CDH10: variants seen among roughly 807,000 people sequenced by gnomAD.
CDH10 encodes cadherin 10.
CDH10 carries 30 observed loss-of-function variants against 73.1 expected under a neutral mutation model. The ratio of observed to expected loss-of-function variants is 0.41; its 90% CI spans 0.31 to 0.56. CDH10 has a LOEUF of 0.56. Ranked by LOEUF, CDH10 falls within the 20% of genes least tolerant of loss-of-function variation. The pLI, the probability that CDH10 is intolerant of heterozygous loss-of-function variation, is 0.27. For missense variants in CDH10, 815 were observed against 973.7 expected (o/e 0.84, Z 2.17); for synonymous variants, 345 against 348.2 (o/e 0.99, Z 0.10).
intron 5 of CDH10, among the ~76,000 whole-genome samples, chr5:24,523,066 G>C (rs969172701): frequency 6.6e-6 from 1 of 150,584 alleles, no homozygotes; most frequent in South Asian, 2.2e-4. Context: ...AATATGCAAA[G>C]ATAACTAATA....
intron 2 of CDH10, among the ~76,000 whole-genome samples, chr5:24,591,510 G>A (rs549119147): frequency 6.6e-6 from 1 of 152,034 alleles, no homozygotes; most frequent in African/African-American, 2.4e-5. Flanking sequence ...AGAGTATGAA[G>A]CATAAAATTT....
chr5:24,633,223 T>C (rs1459165212), intron 1 of CDH10, among the ~76,000 whole-genome samples: 1 of 151,820 alleles, frequency 6.6e-6, no homozygotes, highest in African/African-American at 2.4e-5. Context: ...TGTATTATTT[T>C]CTTTTTAAGT....
At chr5:24,502,742 G>T (rs1041135966) in intron 8 of CDH10, among the ~76,000 whole-genome samples, 3 of 152,120 alleles carry the variant, frequency 2.0e-5, no homozygotes, top group Non-Finnish European at 2.9e-5. Flanking sequence ...GCAATTCCTT[G>T]TTCACTAGGC....
intron 1 of CDH10, among the ~76,000 whole-genome samples, chr5:24,627,618 T>C (rs1747554780): frequency 4.6e-5 from 7 of 152,140 alleles, no homozygotes. Flanking sequence ...CTCAGGTCCC[T>C]CGTTTGTAAA....
At chr5:24,642,283 G>A (rs952066264) in intron 1 of CDH10, among the ~76,000 whole-genome samples, 1 of 152,098 alleles carries the variant, frequency 6.6e-6, no homozygotes, top group African/African-American at 2.4e-5. Flanking sequence ...TTACTGCAAA[G>A]TAGGTTAAGA....
intron 1 of CDH10, among the ~76,000 whole-genome samples, chr5:24,638,783 A>T (rs975832625): frequency 6.6e-6 from 1 of 151,858 alleles, no homozygotes; most frequent in Non-Finnish European, 1.5e-5. Context: ...ATTATAGTTG[A>T]CTAAGCTAAT....
intron 2 of CDH10, among the ~76,000 whole-genome samples, chr5:24,538,307 A>G (rs1167415679): frequency 6.6e-6 from 1 of 152,168 alleles, no homozygotes; most frequent in Non-Finnish European, 1.5e-5. Context: ...AATAAAATTA[A>G]TGAACTATAA....
chr5:24,592,962 A>C (rs1746250065), intron 2 of CDH10, among the ~76,000 whole-genome samples: 1 of 151,762 alleles, frequency 6.6e-6, no homozygotes, highest in South Asian at 2.1e-4. Context: ...ATTTACATAT[A>C]GGTTTCTCAC....
intron 2 of CDH10, among the ~76,000 whole-genome samples, chr5:24,544,449 G>T (rs1275396438): frequency 6.6e-6 from 1 of 152,220 alleles, no homozygotes; most frequent in Admixed American, 6.5e-5. Flanking sequence ...AAGTTTTGAA[G>T]ATTTAAATGA....
intron 2 of CDH10, among the ~76,000 whole-genome samples, chr5:24,587,542 T>C (rs372901759): frequency 1.2e-4 from 19 of 152,148 alleles, no homozygotes; most frequent in East Asian, 9.6e-4. Context: ...ATATGAAGTA[T>C]TGATAAATTA....
chr5:24,506,110 G>A (rs1243010875), intron 7 of CDH10, among the ~76,000 whole-genome samples: 17 of 133,924 alleles, frequency 1.3e-4, no homozygotes, highest in African/African-American at 3.7e-4. Flanking sequence ...GCAAGACTCC[G>A]TCAAAAAAAA....
At chr5:24,512,870 T>C (rs900754641) in intron 5 of CDH10, among the ~76,000 whole-genome samples, 2 of 146,008 alleles carry the variant, frequency 1.4e-5, no homozygotes, top group African/African-American at 5.1e-5. Flanking sequence ...CTTGCCTGAA[T>C]ATGTCTCTCC....
chr5:24,487,492 G>A lies in CDH10; in HGVS notation c.*171C>T, dbSNP rs1374903257. 8 of 620,936 alleles carry A rather than the reference G, an allele frequency of 1.3e-5. No homozygotes were observed. The highest frequency in any genetic ancestry group is 2.3e-5 in the Non-Finnish European group (8 of 352,080). The allele number at this position is 620,936 out of a possible 1,614,324, so 38.5% of individuals were successfully genotyped here. ...AAATAAAATGTCATATATATTCCAT[G>A]AGACATCCTACAGGAAAGAATTAAT... is the stretch of plus-strand genomic sequence containing the variant. On this transcript the variant is annotated 3_prime_UTR_variant, in exon 12 of 12. Transcript: ENST00000264463.
At chr5:24,565,457 T>C (rs566679164) in intron 2 of CDH10, among the ~76,000 whole-genome samples, 8 of 152,090 alleles carry the variant, frequency 5.3e-5, no homozygotes, top group Admixed American at 2.0e-4. Flanking sequence ...ATATGTAAAA[T>C]CTCTACACTA....
chr5:24,583,204 TAAA>T (rs35552025), intron 2 of CDH10, among the ~76,000 whole-genome samples: 1 of 144,074 alleles, frequency 6.9e-6, no homozygotes, highest in Admixed American at 7.0e-5. Flanking sequence ...ATTTTTTAGT[TAAA>T]AAAAAAAAAA....
chr5:24,496,935 C>T (rs574572364), intron 9 of CDH10, among the ~76,000 whole-genome samples: 5 of 152,226 alleles, frequency 3.3e-5, no homozygotes, highest in Non-Finnish European at 7.4e-5. Context: ...TAGAATTTGC[C>T]TGTATGGGAG....
chr5:24,531,589 A>G (rs1662068013), intron 5 of CDH10, among the ~76,000 whole-genome samples: 1 of 152,090 alleles, frequency 6.6e-6, no homozygotes, highest in Non-Finnish European at 1.5e-5. Flanking sequence ...CAGGAAAGAT[A>G]GCTTGTATAG....
At chr5:24,518,220 G>A (rs1294318099) in intron 5 of CDH10, among the ~76,000 whole-genome samples, 2 of 152,048 alleles carry the variant, frequency 1.3e-5, no homozygotes, top group African/African-American at 2.4e-5. Flanking sequence ...AGTGAGGCAC[G>A]TTAATATCTC....
At chr5:24,535,931 A>C in intron 3 of CDH10, 109 bp from the exon 4 acceptor site, 3 of 659,780 alleles carry the variant, frequency 4.5e-6, no homozygotes, top group Non-Finnish European at 7.2e-6. Flanking sequence ...ATGACCTCTT[A>C]AAGAAACTTT....
Sources: gnomAD v4.1 joint callset for allele counts (sites outside exome capture counted in the v4.1 genomes callset) on GRCh38, gnomAD v4.1.1 for gene constraint, MANE v1.5 for transcripts, NCBI Gene and HGNC (gene_info 2026-07-23, HGNC 2026-07-21) for gene names.